Variants in PARD6G observed in about 807,000 individuals in gnomAD.
The protein encoded by PARD6G is partitioning defective 6 homolog gamma.
In PARD6G, 7 loss-of-function variants were observed where a neutral mutation model predicts 10.7. The ratio of observed to expected loss-of-function variants is 0.66; its 90% CI spans 0.37 to 1.23. The LOEUF is 1.23. Ranked by LOEUF, PARD6G falls within the 50% of genes most tolerant of loss-of-function variation. The pLI, the probability that PARD6G is intolerant of heterozygous loss-of-function variation, is 0.02. For missense variants in PARD6G, 548 were observed against 571.8 expected (o/e 0.96, Z 0.42); for synonymous variants, 287 against 269.4 (o/e 1.07, Z -0.64).
chr18:80,180,147 G>A lies in PARD6G; in HGVS notation c.296-19541C>T, dbSNP rs576563053. 4.0e-4 allele frequency among the ~76,000 whole-genome samples: 61 copies of A among 152,360 alleles called. No homozygotes were observed. The highest frequency in any genetic ancestry group is 1.4e-3 in the African/African-American group (57 of 41,584). ...GGCTGGGTGAACCAGGGCCCGGGAC[G>A]GGAATGGCCATTGGTGTGTCAGCTG... On this transcript the variant is annotated intron_variant, in intron 2 of 2. Coordinates refer to ENST00000353265, the MANE Select transcript of PARD6G (RefSeq NM_032510.4). This position sits in a 1 kb window ranked among gnomAD's most constrained non-coding sequence, Gnocchi z 5.6.
intron 1 of PARD6G, among the ~76,000 whole-genome samples, chr18:80,238,928 C>T (rs146009818): frequency 5.9e-5 from 9 of 152,224 alleles, no homozygotes; most frequent in African/African-American, 1.2e-4. Context: ...GGGAGGGCCT[C>T]GGTGCCCAGG....
chr18:80,240,628 G>T (rs1568445599), intron 1 of PARD6G, among the ~76,000 whole-genome samples: 1 of 152,288 alleles, frequency 6.6e-6, no homozygotes, highest in East Asian at 1.9e-4. Context: ...CTGCTTCTGG[G>T]AGCTATGGAG....
At position 80,247,427 on chromosome 18, in the gene PARD6G, G is replaced by A. The variant is rs1197241252; in HGVS notation, c.-79C>T. ...AAGACTCCCGGGGGCGGCGCCCCCA[G>A]GCCCCGGCCCCGGCCCCGGCCCGCG... On this transcript the variant is annotated 5_prime_UTR_variant, in exon 1 of 3. Transcript: ENST00000353265. The surrounding 1 kb of genome is among the most constrained non-coding windows in gnomAD (Gnocchi z 4.2). The A allele has an allele frequency of 6.1e-5, 56 of 912,768 alleles. No homozygotes were observed. Among genetic ancestry groups the A allele is most frequent in the Non-Finnish European group, 7.7e-5 (53 of 689,434 alleles). 56.5% of individuals were successfully genotyped at this position (912,768 alleles called of 1,614,324 possible). A position where few individuals can be genotyped will look rare whatever the true frequency, so the allele number is the denominator to read the frequency against.
intron 1 of PARD6G, among the ~76,000 whole-genome samples, chr18:80,245,329 A>T (rs1967532264): frequency 6.6e-6 from 1 of 152,152 alleles, no homozygotes; most frequent in African/African-American, 2.4e-5. Context: ...CACAGAAGTG[A>T]GTCTTTAACG....
At chr18:80,224,313 C>G (rs961341457) in intron 1 of PARD6G, among the ~76,000 whole-genome samples, 2 of 152,134 alleles carry the variant, frequency 1.3e-5, no homozygotes, top group Admixed American at 6.5e-5. Flanking sequence ...TACGTTTAAA[C>G]AAATCAGAGC....
chr18:80,186,500 G>A (rs2052879831), intron 2 of PARD6G, among the ~76,000 whole-genome samples: 1 of 148,680 alleles, frequency 6.7e-6, no homozygotes, highest in African/African-American at 2.5e-5. Context: ...CCTCACACAT[G>A]CTCGCACACC....
At chr18:80,174,453 C>A (rs11663486) in intron 2 of PARD6G, among the ~76,000 whole-genome samples, 28,030 of 151,850 alleles carry the variant, frequency 0.18, 2,753 homozygotes, top group Middle Eastern at 0.27. Context: ...CAGGCATGAA[C>A]CACCGCACCT....
chr18:80,210,646 T>C (rs942820678), intron 1 of PARD6G, among the ~76,000 whole-genome samples: 1 of 152,166 alleles, frequency 6.6e-6, no homozygotes, highest in African/African-American at 2.4e-5. Context: ...TGATCAAAGT[T>C]TAAAAAAAAG....
At position 80,181,810 on chromosome 18, in the gene PARD6G, G is replaced by T. The variant is rs1158152984; in HGVS notation, c.295+20900C>A. Among the ~76,000 whole-genome samples, 1 of 152,078 alleles carries T rather than the reference G, an allele frequency of 6.6e-6. No individual in the cohort carries two copies. The highest frequency in any genetic ancestry group is 6.5e-5 in the Admixed American group (1 of 15,276). On this transcript the variant is annotated intron_variant, in intron 2 of 2. Transcript: ENST00000353265. This position sits in a 1 kb window ranked among gnomAD's most constrained non-coding sequence, Gnocchi z 7.9. The stretch of plus-strand genomic sequence containing the variant: ...TCCCCCTGTGCAGAGCATGTGTGGG[G>T]ACAGGCAGCTGGATGAAGCACCTCA...
chr18:80,196,909 A>G (rs1038242703), intron 2 of PARD6G, among the ~76,000 whole-genome samples: 4 of 151,036 alleles, frequency 2.6e-5, no homozygotes, highest in African/African-American at 4.8e-5. Flanking sequence ...AAAAAAAAAA[A>G]AAAAAAAAGA....
rs933733290 is a variant in PARD6G, at chr18:80,157,316, G to GT, written c.*2454dup. ...TTTAATACATAATATGCATAGTTTT[G>GT]TTTTTTTAAAAGGAGAAAGTGGCAG... On this transcript the variant is annotated 3_prime_UTR_variant, in exon 3 of 3. Coordinates refer to ENST00000353265, the MANE Select transcript of PARD6G (RefSeq NM_032510.4). The GT allele has an allele frequency of 3.3e-5, 5 of 151,930 alleles. No homozygotes were observed. The highest frequency in any genetic ancestry group is 1.2e-4 in the African/African-American group (5 of 41,352). The allele number at this position is 151,930 out of a possible 1,614,324, so 9.4% of individuals were successfully genotyped here.
chr18:80,174,267 C>T (rs183706228), intron 2 of PARD6G, among the ~76,000 whole-genome samples: 1 of 152,258 alleles, frequency 6.6e-6, no homozygotes, highest in East Asian at 1.9e-4. Flanking sequence ...CCCAGAGGCT[C>T]CATAAAACCT....
At chr18:80,221,160 C>T (rs1967224250) in intron 1 of PARD6G, among the ~76,000 whole-genome samples, 1 of 152,098 alleles carries the variant, frequency 6.6e-6, no homozygotes, top group Admixed American at 6.6e-5. Flanking sequence ...AAATCAAAAT[C>T]AAACCTTCAC....
At chr18:80,165,634 A>C (rs2052730762) in intron 2 of PARD6G, among the ~76,000 whole-genome samples, 1 of 152,228 alleles carries the variant, frequency 6.6e-6, no homozygotes, top group Admixed American at 6.5e-5. Context: ...TTCACAATTT[A>C]TGTTCCTCTG....
In PARD6G at chr18:80,246,592, G is replaced by A. The variant is rs1309380498; in HGVS notation, c.72+685C>T. Among the ~76,000 whole-genome samples the A allele has an allele frequency of 4.8e-5, 7 of 145,460 alleles. No homozygotes were observed. Among genetic ancestry groups the A allele is most frequent in the Admixed American group, 2.0e-4 (3 of 14,858 alleles). On this transcript the variant is annotated intron_variant, in intron 1 of 2. Coordinates refer to ENST00000353265, the MANE Select transcript of PARD6G (RefSeq NM_032510.4). The surrounding 1 kb of genome is among the most constrained non-coding windows in gnomAD (Gnocchi z 6.7). ...TGGGCTGGGTCTGGGGCGGGGGCGC[G>A]TCCGGAGGTGGGGGAGTCTGGGGTG...
chr18:80,224,763 C>A (rs1164870395), intron 1 of PARD6G, among the ~76,000 whole-genome samples: 1 of 151,968 alleles, frequency 6.6e-6, no homozygotes, highest in Non-Finnish European at 1.5e-5. Context: ...AGGAGAATGG[C>A]GTGAACCTGG....
Position 80,175,986 on chromosome 18 carries a change from G to A in PARD6G, c.296-15380C>T, listed in dbSNP as rs775458922. 23 of 167,374 alleles carry A rather than the reference G, an allele frequency of 1.4e-4. No homozygotes were observed. Among genetic ancestry groups the A allele is most frequent in the Non-Finnish European group, 2.6e-4 (18 of 68,284 alleles). The allele number at this position is 167,374 out of a possible 1,614,324, so 10.4% of individuals were successfully genotyped here. A position where few individuals can be genotyped will look rare whatever the true frequency, so the allele number is the denominator to read the frequency against. ...TGGTAAGAGTGTGGCAAGTTCTGAG[G>A]GGCTTCCTGAGGAGGTGGCTTCCAA... On this transcript the variant is annotated intron_variant, in intron 2 of 2. Transcript: ENST00000353265. This position sits in a 1 kb window ranked among gnomAD's most constrained non-coding sequence, Gnocchi z 6.7.
At position 80,160,544 on chromosome 18, in the gene PARD6G, C is replaced by T. The variant is rs1319406321; in HGVS notation, c.358G>A (p.Ala120Thr). 2 of 1,491,818 alleles carry T rather than the reference C, an allele frequency of 1.3e-6. No individual in the cohort carries two copies. Among genetic ancestry groups the T allele is most frequent in the Non-Finnish European group, 1.8e-6 (2 of 1,123,186 alleles). The allele number at this position is 1,491,818 out of a possible 1,614,324, so 92.4% of individuals were successfully genotyped here. A position where few individuals can be genotyped will look rare whatever the true frequency, so the allele number is the denominator to read the frequency against. Reference protein sequence around the residue: ...SLCRRRRALGALRDEGPRRRA... With the variant: ...SLCRRRRALGTLRDEGPRRRA... The stretch of plus-strand genomic sequence containing the variant: ...CGCCGGGGTCCTTCATCACGCAGCG[C>T]GCCCAGCGCCCGCCTCCGCCTGCAC... The change falls in exon 3 of 3, where the codon GCG becomes ACG. Residue 120 changes from alanine (A) to threonine (T), a missense_variant. Coordinates refer to ENST00000353265, the MANE Select transcript of PARD6G (RefSeq NM_032510.4).
At chr18:80,177,344 A>T (rs2052818809) in intron 2 of PARD6G, among the ~76,000 whole-genome samples, 1 of 148,238 alleles carries the variant, frequency 6.7e-6, no homozygotes, top group African/African-American at 2.5e-5. Flanking sequence ...ACACACACAT[A>T]CACACACATA....
Sources: allele counts gnomAD v4.1 joint callset (sites outside exome capture counted in the v4.1 genomes callset), GRCh38; gene constraint gnomAD v4.1.1; non-coding constraint Gnocchi (gnomAD v3.1); transcripts MANE v1.5; gene names NCBI Gene and HGNC (gene_info 2026-07-23, HGNC 2026-07-21).